Variants in GNA14 observed in about 807,000 individuals in gnomAD.
GNA14 encodes guanine nucleotide-binding protein subunit alpha-14.
Under a neutral mutation model 42.0 loss-of-function variants are expected in GNA14, and 50 were observed. The ratio of observed to expected loss-of-function variants is 1.19; its 90% CI spans 0.95 to 1.51. The LOEUF is 1.51. Among genes scored for constraint, GNA14 ranks in the 40% most tolerant of loss-of-function variants. The pLI, the probability that GNA14 is intolerant of heterozygous loss-of-function variation, is 0.00. For synonymous variants in GNA14, 173 were observed against 163.1 expected, an observed-to-expected ratio of 1.06 and a Z score of -0.46; for missense variants, 473 against 446.2, an observed-to-expected ratio of 1.06 and a Z score of -0.54.
At chr9:77,620,102 GCA>G (rs144037214) in intron 1 of GNA14, among the ~76,000 whole-genome samples, 60 of 150,836 alleles carry the variant, frequency 4.0e-4, no homozygotes, top group African/African-American at 1.1e-3. Flanking sequence ...ACACACACGT[GCA>G]CACACACACA....
intron 1 of GNA14, among the ~76,000 whole-genome samples, chr9:77,573,459 A>G (rs1429015010): frequency 6.6e-6 from 1 of 152,084 alleles, no homozygotes; most frequent in Non-Finnish European, 1.5e-5. Flanking sequence ...AAAAAAATAA[A>G]TAAATAAAAA....
At chr9:77,435,399 G>A (rs1321304205) in intron 2 of GNA14, among the ~76,000 whole-genome samples, 1 of 151,938 alleles carries the variant, frequency 6.6e-6, no homozygotes, top group Non-Finnish European at 1.5e-5. Flanking sequence ...TTACTTTTTA[G>A]AGCAGTTTTA....
intron 2 of GNA14, among the ~76,000 whole-genome samples, chr9:77,492,374 A>G (rs568784244): frequency 1.4e-4 from 21 of 151,904 alleles, no homozygotes; most frequent in African/African-American, 5.1e-4. Context: ...CAGCATAATG[A>G]AAAGTTGATT....
chr9:77,489,811 G>A (rs188207302), intron 2 of GNA14, among the ~76,000 whole-genome samples: 1 of 152,274 alleles, frequency 6.6e-6, no homozygotes, highest in East Asian at 1.9e-4. Context: ...GAGTGTTACA[G>A]CTCATAAAAG....
chr9:77,541,710 C>T (rs1412865215), intron 1 of GNA14, among the ~76,000 whole-genome samples: 3 of 152,082 alleles, frequency 2.0e-5, no homozygotes, highest in Non-Finnish European at 4.4e-5. Context: ...TCCCAAATGT[C>T]ACAAAGGCTT....
intron 1 of GNA14, among the ~76,000 whole-genome samples, chr9:77,535,362 G>A (rs925167270): frequency 3.2e-4 from 49 of 152,160 alleles, no homozygotes; most frequent in African/African-American, 1.1e-3. Context: ...GGCTAACACG[G>A]TGAAACCCCG....
At position 77,525,909 on chromosome 9, in the gene GNA14, T is replaced by TTA. The variant is rs1491441006; in HGVS notation, c.309+3159_309+3160insTA. The stretch of plus-strand genomic sequence containing the variant: ...AGACAATGAGATTTGGGACTTTTTT[T>TTA]AAAAAAAAAAAAAAACGGAGTTTCA... On this transcript the variant is annotated intron_variant, in intron 2 of 6. Coordinates refer to ENST00000341700, the MANE Select transcript of GNA14 (RefSeq NM_004297.4). 1.1e-4 allele frequency among the ~76,000 whole-genome samples: 15 copies of TTA among 141,510 alleles called. 2 individuals carry two copies. The South Asian group carries it at 2.0e-3, about 19-fold the overall frequency. The allele number at this position is 141,510 out of a possible 152,430, so 92.8% of individuals were successfully genotyped here.
At chr9:77,466,663 C>T (rs143920227) in intron 2 of GNA14, among the ~76,000 whole-genome samples, 1 of 152,208 alleles carries the variant, frequency 6.6e-6, no homozygotes, top group East Asian at 1.9e-4. Flanking sequence ...ATAGGTCACA[C>T]TTTGTTATTT....
Position 77,544,689 on chromosome 9 carries a change from A to G in GNA14, c.125-15436T>C, listed in dbSNP as rs796747863. ...TGCATCTCAAAAAAAAAAAAAAAAA[A>G]AAGAAGGTTCATGGGTTCATGAGCT... On this transcript the variant is annotated intron_variant, in intron 1 of 6. Transcript: ENST00000341700. 5.9e-5 allele frequency among the ~76,000 whole-genome samples: 9 copies of G among 151,594 alleles called. No homozygotes were observed. The South Asian group carries it at 6.2e-4, about 11-fold the overall frequency.
chr9:77,484,794 T>C (rs1836628662), intron 2 of GNA14, among the ~76,000 whole-genome samples: 1 of 152,124 alleles, frequency 6.6e-6, no homozygotes, highest in Admixed American at 6.6e-5. Flanking sequence ...TCACACAAAT[T>C]TTGGTTTCCT....
chr9:77,440,735 G>C (rs1413541715), intron 2 of GNA14, among the ~76,000 whole-genome samples: 1 of 150,148 alleles, frequency 6.7e-6, no homozygotes, highest in African/African-American at 2.5e-5. Flanking sequence ...TTCTTTTTTT[G>C]AGATGCAGTC....
At chr9:77,438,330 GATCTC>G (rs1835671811) in intron 2 of GNA14, among the ~76,000 whole-genome samples, 1 of 151,766 alleles carries the variant, frequency 6.6e-6, no homozygotes, top group Admixed American at 6.6e-5. Flanking sequence ...ACAACGGCGC[GATCTC>G]AGCTCAATGC....
intron 1 of GNA14, among the ~76,000 whole-genome samples, chr9:77,542,783 G>C (rs766503887): frequency 6.6e-6 from 1 of 152,212 alleles, no homozygotes; most frequent in Non-Finnish European, 1.5e-5. Flanking sequence ...CCTGGGAGGA[G>C]TGCTCAAATG....
At chr9:77,460,786 C>T (rs554805668) in intron 2 of GNA14, among the ~76,000 whole-genome samples, 6 of 152,258 alleles carry the variant, frequency 3.9e-5, no homozygotes, top group East Asian at 1.9e-4. Flanking sequence ...ATGAAAAGAA[C>T]GAAGTGCATT....
chr9:77,550,751 T>A (rs1259990246), intron 1 of GNA14, among the ~76,000 whole-genome samples: 1 of 151,966 alleles, frequency 6.6e-6, no homozygotes, highest in Non-Finnish European at 1.5e-5. Context: ...AAATGGGAGG[T>A]GGAAATGAGA....
intron 1 of GNA14, among the ~76,000 whole-genome samples, chr9:77,532,987 C>G (rs896826031): frequency 6.6e-6 from 1 of 152,100 alleles, no homozygotes; most frequent in Non-Finnish European, 1.5e-5. Context: ...GGTCACAGTC[C>G]AGAGGGCTTG....
chr9:77,489,242 A>G (rs1170414281), intron 2 of GNA14, among the ~76,000 whole-genome samples: 4 of 152,194 alleles, frequency 2.6e-5, no homozygotes, highest in African/African-American at 9.7e-5. Flanking sequence ...AAAAAAAAGA[A>G]AATAATGAAA....
chr9:77,485,184 A>C (rs1435566826), intron 2 of GNA14, among the ~76,000 whole-genome samples: 1 of 152,206 alleles, frequency 6.6e-6, no homozygotes, highest in East Asian at 1.9e-4. Flanking sequence ...TTTATCAACT[A>C]AACTTATATA....
At chr9:77,621,781 G>A (rs143336324) in intron 1 of GNA14, among the ~76,000 whole-genome samples, 44 of 152,282 alleles carry the variant, frequency 2.9e-4, no homozygotes, top group Middle Eastern at 3.4e-3. Flanking sequence ...TGATTTCGTC[G>A]ACTTTTAGGC....
Sources: gnomAD v4.1 joint callset for allele counts (sites outside exome capture counted in the v4.1 genomes callset) on GRCh38, gnomAD v4.1.1 for gene constraint, MANE v1.5 for transcripts, NCBI Gene and HGNC (gene_info 2026-07-23, HGNC 2026-07-21) for gene names.